Variants in CDKAL1 observed in about 807,000 individuals in gnomAD.
The protein encoded by CDKAL1 is threonylcarbamoyladenosine tRNA methylthiotransferase.
Under a neutral mutation model 68.2 loss-of-function variants are expected in CDKAL1, and 32 were observed. The observed-to-expected ratio is 0.47, with a 90% CI of 0.35 to 0.63. The LOEUF is 0.63. CDKAL1 is among the 30% of genes least tolerant of loss of function. The pLI, the probability that CDKAL1 is intolerant of heterozygous loss-of-function variation, is 0.00. For synonymous variants in CDKAL1, 234 were observed against 244.3 expected, an observed-to-expected ratio of 0.96 and a Z score of 0.39; for missense variants, 606 against 696.7, an observed-to-expected ratio of 0.87 and a Z score of 1.47.
chr6:21,005,540 C>T (rs1222578606), intron 11 of CDKAL1, among the ~76,000 whole-genome samples: 1 of 152,178 alleles, frequency 6.6e-6, no homozygotes, highest in Non-Finnish European at 1.5e-5. Context: ...GTTAACATCT[C>T]TATCTTTCTC....
At chr6:21,184,002 A>G (rs1393296717) in intron 13 of CDKAL1, among the ~76,000 whole-genome samples, 3 of 152,100 alleles carry the variant, frequency 2.0e-5, no homozygotes, top group Admixed American at 1.3e-4. Flanking sequence ...ATGCCTCATT[A>G]TGCTCTCCTC....
Position 20,717,536 on chromosome 6 carries a change from G to A in CDKAL1, c.372-21983G>A, listed in dbSNP as rs572121634. ...AGATATGATGGTGTAATGAAACAGC[G>A]GTTCCTTCTTCTTGTTTCTGTTTTC... On this transcript the variant is annotated intron_variant, in intron 5 of 15. Transcript: ENST00000274695. Among the ~76,000 whole-genome samples, 8 of 151,952 alleles carry A rather than the reference G, an allele frequency of 5.3e-5. No homozygotes were observed. In the South Asian group the frequency reaches 6.2e-4, roughly 12 times the overall value.
chr6:20,975,950 T>C (rs938183123), intron 10 of CDKAL1, among the ~76,000 whole-genome samples: 1 of 152,184 alleles, frequency 6.6e-6, no homozygotes, highest in African/African-American at 2.4e-5. Flanking sequence ...TTTTGACAAA[T>C]GTATAATGAC....
At chr6:21,083,786 A>T (rs1772547722) in intron 12 of CDKAL1, among the ~76,000 whole-genome samples, 1 of 152,000 alleles carries the variant, frequency 6.6e-6, no homozygotes, top group African/African-American at 2.4e-5. Context: ...TTTATCTTTC[A>T]TGATATTGAC....
intron 4 of CDKAL1, among the ~76,000 whole-genome samples, chr6:20,630,522 C>A (rs762894606): frequency 4.6e-5 from 7 of 150,748 alleles, no homozygotes; most frequent in Admixed American, 1.3e-4. Flanking sequence ...TCTACCTTTT[C>A]ATGAAGAGTG....
chr6:20,707,698 C>G (rs532907700), intron 5 of CDKAL1, among the ~76,000 whole-genome samples: 1 of 152,332 alleles, frequency 6.6e-6, no homozygotes, highest in Admixed American at 6.5e-5. Context: ...GAATAACTGA[C>G]TATTCCTCAT....
chr6:20,600,856 A>G (rs936005238), intron 4 of CDKAL1, among the ~76,000 whole-genome samples: 24 of 149,092 alleles, frequency 1.6e-4, no homozygotes, highest in African/African-American at 5.7e-4. Context: ...CTAGCTAGCA[A>G]GCACCCTTAG....
intron 4 of CDKAL1, among the ~76,000 whole-genome samples, chr6:20,630,747 G>A (rs1432616483): frequency 1.3e-5 from 2 of 152,162 alleles, no homozygotes; most frequent in Non-Finnish European, 2.9e-5. Flanking sequence ...AGTTCAGCCT[G>A]TAGAGCCAAA....
intron 13 of CDKAL1, among the ~76,000 whole-genome samples, chr6:21,161,664 T>G (rs962361710): frequency 6.6e-6 from 1 of 152,188 alleles, no homozygotes; most frequent in Non-Finnish European, 1.5e-5. Flanking sequence ...AAAATTAAAT[T>G]TAGAGAAAAG....
intron 9 of CDKAL1, among the ~76,000 whole-genome samples, chr6:20,863,126 G>C (rs1452500892): frequency 6.6e-6 from 1 of 152,142 alleles, no homozygotes; most frequent in Non-Finnish European, 1.5e-5. Context: ...TATTTTGGTG[G>C]GTCTTGTATG....
At chr6:21,139,235 G>C (rs1582281077) in intron 13 of CDKAL1, among the ~76,000 whole-genome samples, 1 of 152,078 alleles carries the variant, frequency 6.6e-6, no homozygotes, top group Non-Finnish European at 1.5e-5. Context: ...GGCTACTTTT[G>C]ATGACTTCTG....
intron 12 of CDKAL1, among the ~76,000 whole-genome samples, chr6:21,082,498 C>T (rs1218660773): frequency 6.6e-6 from 1 of 152,188 alleles, no homozygotes; most frequent in Non-Finnish European, 1.5e-5. Context: ...GAGACTGAGA[C>T]TTCATTCTTT....
intron 5 of CDKAL1, among the ~76,000 whole-genome samples, chr6:20,687,984 G>A (rs929486449): frequency 2.6e-5 from 4 of 151,770 alleles, no homozygotes; most frequent in African/African-American, 9.7e-5. Flanking sequence ...GAATGATTTT[G>A]CGGGTTACAG....
intron 9 of CDKAL1, among the ~76,000 whole-genome samples, chr6:20,931,749 G>A (rs1359520517): frequency 6.6e-6 from 1 of 152,106 alleles, no homozygotes; most frequent in Non-Finnish European, 1.5e-5. Context: ...CTTATTATGT[G>A]CTGTAGTCAC....
intron 9 of CDKAL1, among the ~76,000 whole-genome samples, chr6:20,879,785 T>C (rs1444078266): frequency 6.6e-6 from 1 of 152,198 alleles, no homozygotes; most frequent in Non-Finnish European, 1.5e-5. Flanking sequence ...TGCTGTTTGC[T>C]GCCCACACCT....
intron 7 of CDKAL1, among the ~76,000 whole-genome samples, chr6:20,759,639 A>G (rs565681683): frequency 1.3e-5 from 2 of 152,216 alleles, no homozygotes; most frequent in Non-Finnish European, 2.9e-5. Context: ...AATAATTTTG[A>G]TGCTTGTTCA....
At chr6:21,131,799 A>T (rs1181949372) in intron 13 of CDKAL1, among the ~76,000 whole-genome samples, 1 of 148,142 alleles carries the variant, frequency 6.8e-6, no homozygotes, top group African/African-American at 2.4e-5. Flanking sequence ...TTTTTATTTT[A>T]AAAATATTTT....
chr6:20,625,572 T>G (rs1027664220), intron 4 of CDKAL1, among the ~76,000 whole-genome samples: 3 of 152,108 alleles, frequency 2.0e-5, no homozygotes, highest in African/African-American at 7.2e-5. Flanking sequence ...ATATAAAAAG[T>G]CAACATATGC....
chr6:20,804,299 A>G (rs1776478637), intron 8 of CDKAL1, among the ~76,000 whole-genome samples: 1 of 152,230 alleles, frequency 6.6e-6, no homozygotes. Context: ...TTCAGAAAAG[A>G]AACAATGGTA....
Sources: gnomAD v4.1 joint callset for allele counts (sites outside exome capture counted in the v4.1 genomes callset) on GRCh38, gnomAD v4.1.1 for gene constraint, MANE v1.5 for transcripts, NCBI Gene and HGNC (gene_info 2026-07-23, HGNC 2026-07-21) for gene names.